Variants in TACC1 observed in about 807,000 individuals in gnomAD.
TACC1 encodes transforming acidic coiled-coil containing protein 1.
A neutral mutation model predicts 84.4 loss-of-function variants in TACC1; 48 were observed. That is an observed-to-expected ratio of 0.57 (90% CI 0.45 to 0.72). TACC1 has a LOEUF of 0.72. Ranked by LOEUF, TACC1 falls within the 30% of genes least tolerant of loss-of-function variation. The probability of loss-of-function intolerance (pLI) is 0.00; values close to 1 mark genes in which losing one functional copy is unlikely to be tolerated. For synonymous variants in TACC1, 372 were observed against 376.3 expected, an observed-to-expected ratio of 0.99 and a Z score of 0.13; for missense variants, 920 against 973.0, an observed-to-expected ratio of 0.95 and a Z score of 0.72.
chr8:38,757,120 G>T (rs1318140555), intron 3 of TACC1: 2 of 496,186 alleles, frequency 4.0e-6, no homozygotes, highest in Non-Finnish European at 5.8e-6. Context: ...GGCAGCACCC[G>T]CGGGGCCCTG....
chr8:38,768,925 A>G (rs1035205021), intron 3 of TACC1, among the ~76,000 whole-genome samples: 3 of 133,728 alleles, frequency 2.2e-5, no homozygotes, highest in Non-Finnish European at 4.8e-5. Flanking sequence ...GGTGTGTGTG[A>G]CTATGTGTGT....
intron 3 of TACC1, among the ~76,000 whole-genome samples, chr8:38,759,098 A>ATCTT (rs1810702738): frequency 1.3e-5 from 2 of 152,210 alleles, no homozygotes; most frequent in South Asian, 4.1e-4. Flanking sequence ...AGGAGAGGCA[A>ATCTT]TATAACATTG....
At position 38,819,756 on chromosome 8, in the gene TACC1, CT is replaced by C. The variant is rs1350045761; in HGVS notation, c.513del (p.His172MetfsTer4). 1 of 1,614,032 alleles carries C rather than the reference CT, an allele frequency of 6.2e-7. No homozygotes were observed. Among genetic ancestry groups the C allele is most frequent in the Non-Finnish European group, 8.5e-7 (1 of 1,180,044 alleles). On this transcript the variant is annotated frameshift_variant, in exon 3 of 13. Transcript: ENST00000317827. LOFTEE classifies it high-confidence loss of function. Reference protein sequence around the residue: ...DISAVLGTKAAHGCVTAVSGK... With the variant: ...DISAVLGTKAXHGCVTAVSGK... ...TCGGCAGTCCTCGGAACAAAAGCAG[CT>C]CATGGCTGTGTAACTGCAGTCTCAG...
chr8:38,823,866 C>A, intron 3 of TACC1: 1 of 613,514 alleles, frequency 1.6e-6, no homozygotes, highest in Non-Finnish European at 2.7e-6. Flanking sequence ...TTGTATCTCA[C>A]CTCATAGAAA....
intron 3 of TACC1, among the ~76,000 whole-genome samples, chr8:38,778,404 A>C (rs1161683723): frequency 6.6e-6 from 1 of 152,134 alleles, no homozygotes; most frequent in Non-Finnish European, 1.5e-5. Flanking sequence ...CAACAGTTAA[A>C]TATTTTTGTT....
At chr8:38,768,722 T>G (rs1019249615) in intron 3 of TACC1, among the ~76,000 whole-genome samples, 1 of 151,896 alleles carries the variant, frequency 6.6e-6, no homozygotes, top group East Asian at 1.9e-4. Context: ...AATGTGTGTG[T>G]GTCACCATAT....
chr8:38,815,200 T>A (rs1825149887), intron 2 of TACC1, among the ~76,000 whole-genome samples: 1 of 152,072 alleles, frequency 6.6e-6, no homozygotes, highest in African/African-American at 2.4e-5. Flanking sequence ...TTACTTAGAG[T>A]GGGATCATCT....
chr8:38,846,657 T>C (rs1832363472), intron 11 of TACC1, 42 bp from the exon 12 acceptor site: 2 of 1,611,164 alleles, frequency 1.2e-6, no homozygotes. Context: ...TGGCTAATCA[T>C]GTGCTTTTTG....
At chr8:38,803,896 T>A (rs1822028169) in intron 2 of TACC1, among the ~76,000 whole-genome samples, 1 of 152,228 alleles carries the variant, frequency 6.6e-6, no homozygotes, top group Non-Finnish European at 1.5e-5. Flanking sequence ...AGGTCTTTTC[T>A]TTGGAGGAAG....
At chr8:38,771,012 T>C (rs990511980) in intron 3 of TACC1, among the ~76,000 whole-genome samples, 3 of 152,178 alleles carry the variant, frequency 2.0e-5, no homozygotes, top group Non-Finnish European at 4.4e-5. Flanking sequence ...CACAGCATCT[T>C]AAATAAAAGG....
intron 2 of TACC1, among the ~76,000 whole-genome samples, chr8:38,798,996 GA>G (rs991057864): frequency 9.9e-5 from 15 of 152,136 alleles, no homozygotes; most frequent in South Asian, 8.3e-4. Context: ...GAAACTGGGG[GA>G]AAAAAACACT....
At chr8:38,784,617 G>A (rs1358008300), upstream of TACC1, among the ~76,000 whole-genome samples, 1 of 152,078 alleles carries the variant, frequency 6.6e-6, no homozygotes, top group Non-Finnish European at 1.5e-5. Context: ...AATCTTACTG[G>A]GGCCATCACT....
intron 3 of TACC1, among the ~76,000 whole-genome samples, chr8:38,773,509 C>T (rs1253483100): frequency 2.0e-5 from 3 of 150,222 alleles, no homozygotes; most frequent in Non-Finnish European, 4.4e-5. Flanking sequence ...AATATTTAAA[C>T]ATACATATTG....
At position 38,732,177 on chromosome 8, in the gene TACC1, G is replaced by GGGA. The variant is rs1491370554; in HGVS notation, c.-675+3506_-675+3507insGGA. On this transcript the variant is annotated intron_variant, in intron 1 of 14. Transcript: ENST00000518415. Reference sequence around the variant, plus strand: ...AGAAGAAAGGAAGGAAGGAAGGAAGGAAGGAAGAGGGAAAGGAAAGGAAAG... The same window carrying GGGA: ...AGAAGAAAGGAAGGAAGGAAGGAAGGGGAAAGGAAGAGGGAAAGGAAAGGAAAG... Among the ~76,000 whole-genome samples the GGGA allele has an allele frequency of 2.7e-3, 258 of 94,860 alleles. 1 individual carries two copies. The highest frequency in any genetic ancestry group is 8.0e-3 in the Admixed American group (80 of 10,010). The allele number at this position is 94,860 out of a possible 152,430, so 62.2% of individuals were successfully genotyped here. A position where few individuals can be genotyped will look rare whatever the true frequency, so the allele number is the denominator to read the frequency against.
In TACC1 at chr8:38,825,315, T is replaced by C; in HGVS notation, c.1399T>C (p.Cys467Arg). ...TGTTTCTTCTCTTTCCAGGAGTGGC[T>C]GTAAGGTGAAGAAGCATGAAACTCA... ...KAKSRLITSG[C>R]KVKKHETQSL... Residue 467 changes from cysteine to arginine, a missense_variant, in exon 4 of 13, where the codon TGT (cysteine) becomes CGT (arginine). Transcript: ENST00000317827. The C allele has an allele frequency of 6.2e-7, 1 of 1,614,140 alleles. No homozygotes were observed. Among genetic ancestry groups the C allele is most frequent in the Non-Finnish European group, 8.5e-7 (1 of 1,179,998 alleles).
At chr8:38,805,912 T>C (rs1256328629) in intron 2 of TACC1, among the ~76,000 whole-genome samples, 1 of 152,234 alleles carries the variant, frequency 6.6e-6, no homozygotes, top group Non-Finnish European at 1.5e-5. Flanking sequence ...ATCCTTTGTG[T>C]GTCTTATGTG....
At chr8:38,846,987 C>T (rs1427147827) in intron 12 of TACC1, among the ~76,000 whole-genome samples, 168 bp downstream of exon 12, 1 of 152,200 alleles carries the variant, frequency 6.6e-6, no homozygotes, top group African/African-American at 2.4e-5. Context: ...CAAGTCAAAC[C>T]ATTAAATTTT....
intron 1 of TACC1, among the ~76,000 whole-genome samples, chr8:38,735,049 C>A (rs527430965): frequency 6.6e-6 from 1 of 152,232 alleles, no homozygotes; most frequent in African/African-American, 2.4e-5. Flanking sequence ...TGCAAGGATA[C>A]GTCATGGAAA....
intron 12 of TACC1, among the ~76,000 whole-genome samples, 188 bp downstream of exon 12, chr8:38,847,007 C>T (rs1832442706): frequency 6.6e-6 from 1 of 152,234 alleles, no homozygotes; most frequent in African/African-American, 2.4e-5. Context: ...TCAAGCACAT[C>T]ATGTGGAAAT....
Sources: gnomAD v4.1 joint callset for allele counts (sites outside exome capture counted in the v4.1 genomes callset) on GRCh38, gnomAD v4.1.1 for gene constraint, MANE v1.5 for transcripts, NCBI Gene and HGNC (gene_info 2026-07-23, HGNC 2026-07-21) for gene names.